MYH11: variants seen among roughly 807,000 people sequenced by gnomAD.
MYH11 encodes the protein myosin-11.
In MYH11, 80 loss-of-function variants were observed where a neutral mutation model predicts 246.6. That is an observed-to-expected ratio of 0.32 (90% CI 0.27 to 0.39). The LOEUF (loss-of-function observed/expected upper bound fraction) is 0.39, where lower values mean the gene tolerates loss of function less well. Among genes scored for constraint, MYH11 ranks in the 10% least tolerant of loss-of-function variants. The pLI is 1.00. For synonymous variants in MYH11, 1,071 were observed against 1,015.5 expected, an observed-to-expected ratio of 1.05 and a Z score of -1.04; for missense variants, 2,158 against 2,546.8, an observed-to-expected ratio of 0.85 and a Z score of 3.29.
At chr16:15,811,732 G>A (rs889268737) in intron 3 of MYH11, among the ~76,000 whole-genome samples, 1 of 152,092 alleles carries the variant, frequency 6.6e-6, no homozygotes, top group Non-Finnish European at 1.5e-5. Context: ...GGAGAAAGTC[G>A]TTTGGATCAC....
At chr16:15,798,608 T>TAAAAAAAACAAA in intron 4 of MYH11, 52 bp downstream of exon 4, 1 of 1,036,158 alleles carries the variant, frequency 9.7e-7, no homozygotes, top group Non-Finnish European at 1.3e-6. Context: ...GACTACAGAT[T>TAAAAAAAACAAA]AAAAAAAAAA....
At chr16:15,717,432 T>G in intron 37 of MYH11, 84 bp from the exon 38 acceptor site, 1 of 1,454,506 alleles carries the variant, frequency 6.9e-7, no homozygotes, top group Non-Finnish European at 9.5e-7. Context: ...CTGCCTTGTT[T>G]GGCCTCTGCA....
intron 31 of MYH11, among the ~76,000 whole-genome samples, chr16:15,723,084 A>C (rs1387727299): frequency 6.6e-6 from 1 of 152,154 alleles, no homozygotes; most frequent in Admixed American, 6.6e-5. Context: ...TCACTTGTAA[A>C]CTAAATCATA....
At chr16:15,849,503 G>A (rs372179315) in intron 1 of MYH11, among the ~76,000 whole-genome samples, 15 of 152,160 alleles carry the variant, frequency 9.9e-5, no homozygotes, top group African/African-American at 3.1e-4. Flanking sequence ...GTGAAGTGGC[G>A]CGATCTCTGC....
intron 1 of MYH11, among the ~76,000 whole-genome samples, chr16:15,852,458 G>A (rs539481917): frequency 2.7e-5 from 4 of 148,858 alleles, no homozygotes; most frequent in Non-Finnish European, 5.9e-5. Context: ...TCAGCCTCCC[G>A]AGTAGCTGGG....
At chr16:15,723,424 A>G (rs1324243932) in intron 31 of MYH11, among the ~76,000 whole-genome samples, 1 of 152,218 alleles carries the variant, frequency 6.6e-6, no homozygotes, top group Non-Finnish European at 1.5e-5. Flanking sequence ...AGGCAGGCAG[A>G]TCATGTGAGG....
At chr16:15,714,835 C>T (rs1392957525) in intron 40 of MYH11, 74 bp downstream of exon 40, 10 of 1,584,198 alleles carry the variant, frequency 6.3e-6, no homozygotes, top group East Asian at 2.2e-5. Flanking sequence ...ATTTGCAGGC[C>T]GAAAGGAGCC....
intron 4 of MYH11, among the ~76,000 whole-genome samples, chr16:15,789,683 A>G (rs2042563346): frequency 6.6e-6 from 1 of 152,234 alleles, no homozygotes; most frequent in Non-Finnish European, 1.5e-5. Context: ...CCACTCAGTC[A>G]TTCACACCTA....
At chr16:15,834,656 A>T (rs1327636526) in intron 2 of MYH11, among the ~76,000 whole-genome samples, 1 of 152,190 alleles carries the variant, frequency 6.6e-6, no homozygotes, top group African/African-American at 2.4e-5. Context: ...GTAAAGATAC[A>T]TTTTGCAACA....
intron 13 of MYH11, 143 bp from the exon 14 acceptor site, chr16:15,756,657 C>T (rs894768249): frequency 7.0e-6 from 6 of 852,480 alleles, no homozygotes; most frequent in South Asian, 1.5e-5. Flanking sequence ...GAGTTTATGA[C>T]CCCCATGCTT....
intron 3 of MYH11, among the ~76,000 whole-genome samples, chr16:15,799,929 T>C (rs560522285): frequency 6.6e-6 from 1 of 151,314 alleles, no homozygotes; most frequent in Admixed American, 6.6e-5. Context: ...GATGGATGAG[T>C]AGATGGATGG....
chr16:15,739,983 C>A, intron 23 of MYH11, 68 bp downstream of exon 23: 1 of 1,556,332 alleles, frequency 6.4e-7, no homozygotes, highest in Non-Finnish European at 8.8e-7. Context: ...CTCAAGTGAT[C>A]CACATACCTT....
chr16:15,715,626 A>AT (rs201872754), intron 38 of MYH11, among the ~76,000 whole-genome samples: 94 of 151,682 alleles, frequency 6.2e-4, no homozygotes, highest in South Asian at 5.8e-3. Flanking sequence ...TGGGGTTTCT[A>AT]TTTTTTTTGC....
chr16:15,757,783 T>G (rs746178896), intron 13 of MYH11, 44 bp downstream of exon 13: 3 of 1,613,442 alleles, frequency 1.9e-6, no homozygotes, highest in East Asian at 4.5e-5. Flanking sequence ...GCCACACACG[T>G]GTACAAGGTG....
chr16:15,840,730 T>A (rs2044030593), intron 1 of MYH11, among the ~76,000 whole-genome samples: 1 of 152,108 alleles, frequency 6.6e-6, no homozygotes, highest in Non-Finnish European at 1.5e-5. Context: ...AGACCCTGTC[T>A]CAAAACCATC....
chr16:15,827,452 C>A (rs994783577), intron 2 of MYH11, among the ~76,000 whole-genome samples: 2 of 152,132 alleles, frequency 1.3e-5, no homozygotes, highest in Non-Finnish European at 2.9e-5. Context: ...GCGGCTCCAT[C>A]GGACCGAAAT....
intron 36 of MYH11, chr16:15,718,641 CTGGGAT>C: frequency 1.4e-6 from 1 of 733,672 alleles, no homozygotes; most frequent in Non-Finnish European, 2.2e-6. Flanking sequence ...GTCAGCAAAG[CTGGGAT>C]TGGGATGGGG....
intron 33 of MYH11, 152 bp downstream of exon 33, chr16:15,720,687 T>C (rs2040418660): frequency 1.2e-6 from 1 of 863,926 alleles, no homozygotes; most frequent in Non-Finnish European, 1.8e-6. Context: ...GAGCTGAGAT[T>C]ACGCCACTGC....
In MYH11 at chr16:15,726,889, GCTC is replaced by G; in HGVS notation, c.3814_3816del (p.Glu1272del). ...TTGTCATTGAGCTCCGCCCGGGCCC[GCTC>G]CCCATCGCTGCACTTGGACTGCAGC... On this transcript the variant is annotated inframe_deletion, in exon 28 of 41. Transcript: ENST00000300036. The G allele has an allele frequency of 6.2e-7, 1 of 1,612,170 alleles. No individual in the cohort carries two copies. Among genetic ancestry groups the G allele is most frequent in the Non-Finnish European group, 8.5e-7 (1 of 1,179,990 alleles).
Sources: gnomAD v4.1 joint callset for allele counts (sites outside exome capture counted in the v4.1 genomes callset) on GRCh38, gnomAD v4.1.1 for gene constraint, MANE v1.5 for transcripts, NCBI Gene and HGNC (gene_info 2026-07-23, HGNC 2026-07-21) for gene names.